The following POLR1F variants were observed in gnomAD, a reference collection of about 807,000 sequenced individuals.
POLR1F encodes the protein DNA-directed RNA polymerase I subunit RPA43.
A neutral mutation model predicts 21.8 loss-of-function variants in POLR1F; 23 were observed. That is an observed-to-expected ratio of 1.05 (90% CI 0.76 to 1.49). The LOEUF (loss-of-function observed/expected upper bound fraction) is 1.49. Among genes scored for constraint, POLR1F ranks in the 40% most tolerant of loss-of-function variants. POLR1F has a pLI of 0.00. For missense variants in POLR1F, 435 were observed against 412.1 expected (o/e 1.06, Z -0.48); for synonymous variants, 162 against 152.8 (o/e 1.06, Z -0.45).
chr7:19,703,698 G>A (rs1389924274), intron 2 of POLR1F, among the ~76,000 whole-genome samples: 2 of 152,110 alleles, frequency 1.3e-5, no homozygotes, highest in Non-Finnish European at 2.9e-5. Flanking sequence ...GGGCTCAGGT[G>A]ATCCTCCTAC....
chr7:19,700,249 A>T lies in POLR1F; in HGVS notation c.428T>A (p.Ile143Asn). The T allele has an allele frequency of 6.2e-7, 1 of 1,613,828 alleles. No homozygotes were observed. The highest frequency in any genetic ancestry group is 8.5e-7 in the Non-Finnish European group (1 of 1,179,746). The change falls in exon 3 of 4, where the codon ATT becomes AAT. Residue 143 changes from isoleucine (I) to asparagine (N), a missense_variant. Transcript: ENST00000222567. ...GIVNKVSSSH[I>N]GCLVHGCFNA... ...GAAACACCCATGTACTAAACAGCCA[A>T]TGTGGCTAGAAGACACTTTATTAAC... is the stretch of plus-strand genomic sequence containing the variant.
At position 19,709,036 on chromosome 7, in the gene POLR1F, A is replaced by C. The variant is rs746185312; in HGVS notation, c.-20T>G. ...AGCCATGCTGCTTGTCAAGGTTCCCACGGCGCGCGCCGTTGACGCAAGCAC... is the reference window on the plus strand; with the variant it reads ...AGCCATGCTGCTTGTCAAGGTTCCCCCGGCGCGCGCCGTTGACGCAAGCAC... On this transcript the variant is annotated 5_prime_UTR_variant, in exon 1 of 4. Transcript: ENST00000222567. The C allele has an allele frequency of 1.3e-6, 2 of 1,552,486 alleles. No individual in the cohort carries two copies. The highest frequency in any genetic ancestry group is 1.9e-5 in the Admixed American group (1 of 53,078).
chr7:19,704,747 C>T, intron 2 of POLR1F, 32 bp downstream of exon 2: 1 of 1,556,078 alleles, frequency 6.4e-7, no homozygotes, highest in South Asian at 1.3e-5. Context: ...TAGAATTATA[C>T]AAAGGGAGCT....
Position 19,708,866 on chromosome 7 carries a change from C to A in POLR1F, c.151G>T (p.Gly51Trp). The change falls in exon 1 of 4, where the codon GGG (glycine) becomes TGG (tryptophan). Residue 51 changes from glycine (G) to tryptophan (W), a missense_variant. Physicochemically the swap from Gly to Trp is radical, Grantham distance 184. Transcript: ENST00000222567. ...AGCGCGATGTGCCTTTGGTGCGGCC[C>A]GGCCACCAGGCATGAGTAGCGACTG... ...VNSRYSCLVA[G>W]PHQRHIALSP... is the part of the protein sequence containing the mutation. 2 of 1,614,200 alleles carry A rather than the reference C, an allele frequency of 1.2e-6. No individual in the cohort carries two copies. The highest frequency in any genetic ancestry group is 4.5e-5 in the East Asian group (2 of 44,886).
intron 1 of POLR1F, among the ~76,000 whole-genome samples, chr7:19,708,129 T>C (rs1433787293): frequency 6.6e-6 from 1 of 152,182 alleles, no homozygotes; most frequent in Non-Finnish European, 1.5e-5. Context: ...TGGTTTTTTC[T>C]CTCCCCAAAG....
chr7:19,706,351 T>C (rs1295675576), intron 1 of POLR1F, among the ~76,000 whole-genome samples: 2 of 152,194 alleles, frequency 1.3e-5, no homozygotes, highest in Admixed American at 6.5e-5. Context: ...ACTGCCATAC[T>C]AGACAGAAAA....
In POLR1F at chr7:19,700,250, T is replaced by A; in HGVS notation, c.427A>T (p.Ile143Phe). The stretch of plus-strand genomic sequence containing the variant: ...AAACACCCATGTACTAAACAGCCAA[T>A]GTGGCTAGAAGACACTTTATTAACT... ...GIVNKVSSSHIGCLVHGCFNA... is the reference protein window; with the variant it reads ...GIVNKVSSSHFGCLVHGCFNA... Residue 143 changes from isoleucine to phenylalanine, a missense_variant, in exon 3 of 4, where the codon ATT becomes TTT. Physicochemically the swap from Ile to Phe is conservative, Grantham distance 21. Coordinates refer to ENST00000222567, the MANE Select transcript of POLR1F (RefSeq NM_001002926.2). The A allele has an allele frequency of 6.2e-7, 1 of 1,613,740 alleles. No homozygotes were observed. The highest frequency in any genetic ancestry group is 8.5e-7 in the Non-Finnish European group (1 of 1,179,754).
chr7:19,707,267 G>C (rs1006327205), intron 1 of POLR1F, among the ~76,000 whole-genome samples: 4 of 152,162 alleles, frequency 2.6e-5, no homozygotes, highest in African/African-American at 4.8e-5. Context: ...AGAAGTACTA[G>C]TTTCTCAAAA....
chr7:19,700,263 C>T lies in POLR1F; in HGVS notation c.414G>A (p.Val138=), dbSNP rs965886468. The change falls in exon 3 of 4, where the codon GTG becomes GTA. Residue 138 remains valine (V), a synonymous_variant. Coordinates refer to ENST00000222567, the MANE Select transcript of POLR1F (RefSeq NM_001002926.2). ...CTAAACAGCCAATGTGGCTAGAAGA[C>T]ACTTTATTAACTATACCCTGGGAAG... ...GQKLMGIVNK[V]SSSHIGCLVH... 1 of 1,613,416 alleles carries T rather than the reference C, an allele frequency of 6.2e-7. No homozygotes were observed. Among genetic ancestry groups the T allele is most frequent in the South Asian group, 1.1e-5 (1 of 91,060 alleles).
Position 19,698,384 on chromosome 7 carries a change from C to T in POLR1F, c.949G>A (p.Glu317Lys). The T allele has an allele frequency of 1.9e-6, 3 of 1,596,430 alleles. No homozygotes were observed. The highest frequency in any genetic ancestry group is 2.6e-6 in the Non-Finnish European group (3 of 1,175,822). Residue 317 changes from glutamate (E) to lysine (K), a missense_variant, in exon 4 of 4, where the codon GAA becomes AAA. By Grantham distance (56) the Glu-to-Lys change is moderately conservative. Transcript: ENST00000222567. ...AAAGGTGGGGTAAATTCGGCCTCTT[C>T]ACTGTGTTTTCTTTTCTTTTTTTTC... ...KKKKKKRKHS[E>K]EAEFTPPLKC...
intron 2 of POLR1F, 70 bp from the exon 3 acceptor site, chr7:19,700,350 T>TC: frequency 8.9e-7 from 1 of 1,125,572 alleles, no homozygotes; most frequent in African/African-American, 1.5e-5. Context: ...TGAACCAAAC[T>TC]TTACAAGCTT....
At chr7:19,706,127 T>A (rs1212206075) in intron 1 of POLR1F, among the ~76,000 whole-genome samples, 1 of 152,226 alleles carries the variant, frequency 6.6e-6, no homozygotes, top group Non-Finnish European at 1.5e-5. Context: ...GGAAAGAATT[T>A]ATCCCTAACA....
At position 19,697,613 on chromosome 7, in the gene POLR1F, A is replaced by T. The variant is rs959390019; in HGVS notation, c.*703T>A. 6.6e-6 allele frequency: 1 copy of T among 152,174 alleles called. No homozygotes were observed. The highest frequency in any genetic ancestry group is 2.4e-5 in the African/African-American group (1 of 41,442). The allele number at this position is 152,174 out of a possible 1,614,324, so 9.4% of individuals were successfully genotyped here. On this transcript the variant is annotated 3_prime_UTR_variant, in exon 4 of 4. Transcript: ENST00000222567. ...TAGACTGTCCTCCAACACACAACAA[A>T]ACTAGAATGGCTGAGGCACAAATGA... is the stretch of plus-strand genomic sequence containing the variant.
intron 1 of POLR1F, among the ~76,000 whole-genome samples, chr7:19,705,606 C>A (rs2128007063): frequency 6.6e-6 from 1 of 152,338 alleles, no homozygotes; most frequent in East Asian, 1.9e-4. Context: ...TCCCAAACTT[C>A]AACTGTTGAT....
rs72591430 is a variant in POLR1F, at chr7:19,700,035, T to C, written c.605+37A>G. ...TTAAAATTCAGAATTAAATAGAAAT[T>C]AAGTACCTAGTGATAATTACGTAAT... On this transcript the variant is annotated intron_variant, in intron 3 of 3. Transcript: ENST00000222567. 9.2e-4 allele frequency: 1,385 copies of C among 1,506,774 alleles called. 26 individuals carry two copies. In the East Asian group the frequency reaches 0.024, roughly 26 times the overall value. 93.3% of individuals were successfully genotyped at this position (1,506,774 alleles called of 1,614,324 possible). A position where few individuals can be genotyped will look rare whatever the true frequency, so the allele number is the denominator to read the frequency against.
At chr7:19,703,386 CACTGA>C (rs1300977718) in intron 2 of POLR1F, among the ~76,000 whole-genome samples, 1 of 152,110 alleles carries the variant, frequency 6.6e-6, no homozygotes, top group Non-Finnish European at 1.5e-5. Flanking sequence ...TGACGAAATT[CACTGA>C]ACTGAACAAT....
chr7:19,705,214 T>C (rs1242369818), intron 1 of POLR1F: 1 of 220,282 alleles, frequency 4.5e-6, no homozygotes, highest in African/African-American at 2.3e-5. Context: ...AAAACAATAG[T>C]ATATGATTAG....
intron 2 of POLR1F, among the ~76,000 whole-genome samples, chr7:19,701,595 C>G (rs926415020): frequency 1.3e-5 from 2 of 152,032 alleles, no homozygotes; most frequent in African/African-American, 4.8e-5. Flanking sequence ...CTGAACAGGC[C>G]GAAGACAGCC....
rs1444476170 is a variant in POLR1F, at chr7:19,695,512, G to A, written c.*2804C>T. The A allele has an allele frequency of 1.3e-5, 2 of 151,862 alleles. No individual in the cohort carries two copies. Among genetic ancestry groups the A allele is most frequent in the Non-Finnish European group, 2.9e-5 (2 of 67,934 alleles). The allele number at this position is 151,862 out of a possible 1,614,324, so 9.4% of individuals were successfully genotyped here. On this transcript the variant is annotated 3_prime_UTR_variant, in exon 4 of 4. Coordinates refer to ENST00000222567, the MANE Select transcript of POLR1F (RefSeq NM_001002926.2). ...TATCAATTTAAAATTATCTGTTGATGCTTTCATTATACAAAGGATTCACTG... is the reference window on the plus strand; with the variant it reads ...TATCAATTTAAAATTATCTGTTGATACTTTCATTATACAAAGGATTCACTG...
Sources: allele counts gnomAD v4.1 joint callset (sites outside exome capture counted in the v4.1 genomes callset), GRCh38; gene constraint gnomAD v4.1.1; transcripts MANE v1.5; gene names NCBI Gene and HGNC (gene_info 2026-07-23, HGNC 2026-07-21).